The following ABCB5 variants were observed in gnomAD, a reference collection of about 807,000 sequenced individuals.
ABCB5 encodes ATP-binding cassette sub-family B member 5.
A neutral mutation model predicts 144.2 loss-of-function variants in ABCB5; 155 were observed. The ratio of observed to expected loss-of-function variants is 1.08; its 90% CI spans 0.94 to 1.23. The LOEUF (loss-of-function observed/expected upper bound fraction) is 1.23. Ranked by LOEUF, ABCB5 falls within the 50% of genes most tolerant of loss-of-function variation. The pLI is 0.00. For missense variants in ABCB5, 1,830 were observed against 1,520.8 expected (o/e 1.20, Z -3.38); for synonymous variants, 610 against 528.6 (o/e 1.15, Z -2.11).
At chr7:20,623,363 G>C (rs750217855) in intron 2 of ABCB5, 25 bp downstream of exon 2, 2 of 1,523,068 alleles carry the variant, frequency 1.3e-6, no homozygotes, top group Admixed American at 2.0e-5. Flanking sequence ...AGTTCTGTAA[G>C]TATGCTTCCA....
chr7:20,752,983 T>G (rs1782978045), intron 26 of ABCB5, among the ~76,000 whole-genome samples: 1 of 152,278 alleles, frequency 6.6e-6, no homozygotes, highest in African/African-American at 2.4e-5. Context: ...ATTTCCTTGT[T>G]GTTTTTACTA....
At position 20,755,521 on chromosome 7, in the gene ABCB5, T is replaced by A; in HGVS notation, c.3671T>A (p.Val1224Glu). 1 of 1,614,164 alleles carries A rather than the reference T, an allele frequency of 6.2e-7. No homozygotes were observed. Among genetic ancestry groups the A allele is most frequent in the African/African-American group, 1.3e-5 (1 of 75,046 alleles). The part of the protein sequence containing the change: ...LSAIQNADLI[V>E]VLHNGKIKEQ... ...GCAATTCAGAACGCAGATTTGATAG[T>A]GGTTCTGCACAATGGAAAGATAAAG... Residue 1224 changes from valine (V) to glutamate (E), a missense_variant, in exon 28 of 28, where the codon GTG (valine) becomes GAG (glutamate). Coordinates refer to ENST00000404938, the MANE Select transcript of ABCB5 (RefSeq NM_001163941.2).
At chr7:20,731,954 T>C (rs1329716180) in intron 23 of ABCB5, among the ~76,000 whole-genome samples, 2 of 152,194 alleles carry the variant, frequency 1.3e-5, no homozygotes, top group Non-Finnish European at 2.9e-5. Flanking sequence ...GACTGATCAT[T>C]TAATGCACAA....
At chr7:20,621,304 G>A (rs1377572563) in intron 1 of ABCB5, among the ~76,000 whole-genome samples, 2 of 152,102 alleles carry the variant, frequency 1.3e-5, no homozygotes, top group Non-Finnish European at 2.9e-5. Context: ...TCTGAAGATA[G>A]ATATGGTGAT....
chr7:20,648,709 T>G (rs1784489483), intron 11 of ABCB5, among the ~76,000 whole-genome samples: 1 of 152,218 alleles, frequency 6.6e-6, no homozygotes, highest in Non-Finnish European at 1.5e-5. Context: ...GAAAAAGACA[T>G]GATTTTAAGT....
intron 13 of ABCB5, among the ~76,000 whole-genome samples, chr7:20,654,155 C>G (rs1784691876): frequency 1.3e-5 from 2 of 151,960 alleles, no homozygotes; most frequent in South Asian, 4.1e-4. Flanking sequence ...CTTGAGTTGC[C>G]TACTAGAGAC....
At chr7:20,713,709 C>T (rs561060661) in intron 20 of ABCB5, among the ~76,000 whole-genome samples, 1 of 149,614 alleles carries the variant, frequency 6.7e-6, no homozygotes, top group African/African-American at 2.5e-5. Flanking sequence ...AGGAGTGGAG[C>T]CTACTACAAA....
Position 20,677,148 on chromosome 7 carries a change from A to G in ABCB5, c.1708-4357A>G, listed in dbSNP as rs34324488. On this transcript the variant is annotated intron_variant, in intron 14 of 27. Transcript: ENST00000404938. ...TTAGTCTTCTTAGTCTGTTGTTCAT[A>G]AAACTTGTTCAGCTATTCATGCAGT... Among the ~76,000 whole-genome samples the G allele has an allele frequency of 7.3e-3, 1,119 of 152,302 alleles. 3 individuals carry two copies. Among genetic ancestry groups the G allele is most frequent in the Non-Finnish European group, 9.4e-3 (642 of 68,012 alleles).
At chr7:20,707,801 CTTTTTTT>C (rs67014566) in intron 20 of ABCB5, among the ~76,000 whole-genome samples, 2 of 93,088 alleles carry the variant, frequency 2.1e-5, no homozygotes, top group South Asian at 4.1e-4. Flanking sequence ...AACCTCATTT[CTTTTTTT>C]TTTTTTTTTT....
chr7:20,681,074 TTC>T (rs1583421567), intron 14 of ABCB5, among the ~76,000 whole-genome samples: 1 of 11,888 alleles, frequency 8.4e-5, no homozygotes, highest in Admixed American at 1.2e-3. Context: ...CTTTCTTTCT[TTC>T]TTTCTTTCTT....
Position 20,753,345 on chromosome 7 carries a change from A to G in ABCB5, c.3430-15A>G, listed in dbSNP as rs780227504. 4 of 1,597,010 alleles carry G rather than the reference A, an allele frequency of 2.5e-6. No homozygotes were observed. The South Asian group carries it at 4.5e-5, about 18-fold the overall frequency. On this transcript the variant is annotated splice_polypyrimidine_tract_variant and intron_variant, in intron 26 of 27. Transcript: ENST00000404938. ...AACCAAGACTTGCTTTCTTAATTGC[A>G]TGCTCCTGTGATAGAAATACAACAC...
At chr7:20,741,670 C>T in intron 24 of ABCB5, among the ~76,000 whole-genome samples, 1 of 151,974 alleles carries the variant, frequency 6.6e-6, no homozygotes, top group Non-Finnish European at 1.5e-5. Flanking sequence ...CTCCTCACCC[C>T]TACCTGCCCT....
chr7:20,752,342 G>A (rs977841994), intron 26 of ABCB5, among the ~76,000 whole-genome samples: 1 of 152,170 alleles, frequency 6.6e-6, no homozygotes, highest in Non-Finnish European at 1.5e-5. Flanking sequence ...TAAAAAGCAG[G>A]CAAGAACCTG....
chr7:20,643,327 G>A lies in ABCB5; in HGVS notation c.458G>A (p.Gly153Asp), dbSNP rs186728686. 5.5e-5 allele frequency: 88 copies of A among 1,613,956 alleles called. No individual in the cohort carries two copies. In the South Asian group the frequency reaches 6.9e-4, roughly 13 times the overall value. ...FFHSVLAQDIGWFDSCDIGEL... is the reference protein window; with the variant it reads ...FFHSVLAQDIDWFDSCDIGEL... ...CATTCAGTTTTGGCACAGGACATCG[G>A]CTGGTTTGATAGCTGTGACATCGGT... The change falls in exon 6 of 28, where the codon GGC becomes GAC. Residue 153 changes from glycine (G) to aspartate (D), a missense_variant. Coordinates refer to ENST00000404938, the MANE Select transcript of ABCB5 (RefSeq NM_001163941.2).
Position 20,755,762 on chromosome 7 carries a change from A to G in ABCB5, c.*138A>G. The G allele has an allele frequency of 2.4e-6, 2 of 823,658 alleles. No homozygotes were observed. Among genetic ancestry groups the G allele is most frequent in the Admixed American group, 2.8e-5 (1 of 35,914 alleles). The allele number at this position is 823,658 out of a possible 1,614,324, so 51.0% of individuals were successfully genotyped here. A position where few individuals can be genotyped will look rare whatever the true frequency, so the allele number is the denominator to read the frequency against. On this transcript the variant is annotated 3_prime_UTR_variant, in exon 28 of 28. Transcript: ENST00000404938. ...TGCTACTCAAGTACATACATGTTCTATTCACACACCATCTGACCTTCAGAT... is the reference window on the plus strand; with the variant it reads ...TGCTACTCAAGTACATACATGTTCTGTTCACACACCATCTGACCTTCAGAT...
intron 20 of ABCB5, among the ~76,000 whole-genome samples, chr7:20,722,472 A>G (rs181107900): frequency 2.6e-5 from 4 of 152,330 alleles, no homozygotes; most frequent in African/African-American, 7.2e-5. Context: ...TCATGCTTCT[A>G]TACAGTCTTC....
chr7:20,626,857 GTGTGT>G (rs1562527046), intron 3 of ABCB5, among the ~76,000 whole-genome samples: 10 of 63,210 alleles, frequency 1.6e-4, no homozygotes, highest in Non-Finnish European at 2.8e-4. Flanking sequence ...TTTTTGGGGT[GTGTGT>G]GTGTGTGTGT....
At chr7:20,702,575 A>G (rs773104814) in intron 19 of ABCB5, among the ~76,000 whole-genome samples, 6 of 152,146 alleles carry the variant, frequency 3.9e-5, no homozygotes, top group Non-Finnish European at 7.4e-5. Context: ...GTACTCTTCA[A>G]CTTGAAAGTT....
intron 5 of ABCB5, among the ~76,000 whole-genome samples, chr7:20,634,443 T>G (rs1784108881): frequency 6.6e-6 from 1 of 152,068 alleles, no homozygotes; most frequent in Non-Finnish European, 1.5e-5. Flanking sequence ...TGAATGGTAT[T>G]TCAATTTTTA....
Sources: allele counts gnomAD v4.1 joint callset (sites outside exome capture counted in the v4.1 genomes callset), GRCh38; gene constraint gnomAD v4.1.1; transcripts MANE v1.5; gene names NCBI Gene and HGNC (gene_info 2026-07-23, HGNC 2026-07-21).